MYO10: variants seen among roughly 807,000 people sequenced by gnomAD.
MYO10 encodes the protein unconventional myosin-X.
A neutral mutation model predicts 257.3 loss-of-function variants in MYO10; 133 were observed. The observed-to-expected ratio is 0.52, with a 90% CI of 0.45 to 0.60. The LOEUF (loss-of-function observed/expected upper bound fraction) is 0.60, where lower values mean the gene tolerates loss of function less well. MYO10 is among the 20% of genes least tolerant of loss of function. The pLI is 0.00. For synonymous variants in MYO10, 1,104 were observed against 1,028.6 expected (o/e 1.07, Z -1.40); for missense variants, 2,399 against 2,635.7 (o/e 0.91, Z 1.97).
rs140500024 is a variant in MYO10, at chr5:16,883,211, G to A, written c.22-5504C>T. ...ATTACAGGTGTGAGCCACCGCGCCC[G>A]GCCATCATTTTTAAAAAATTGTTTT... On this transcript the variant is annotated intron_variant, in intron 1 of 40. Transcript: ENST00000513610. Among the ~76,000 whole-genome samples the A allele has an allele frequency of 8.6e-3, 1,305 of 152,106 alleles. 9 individuals are homozygous for A. Among genetic ancestry groups the A allele is most frequent in the Middle Eastern group, 0.014 (4 of 294 alleles).
intron 4 of MYO10, among the ~76,000 whole-genome samples, chr5:16,785,924 C>T (rs182528550): frequency 2.6e-5 from 4 of 152,160 alleles, no homozygotes; most frequent in East Asian, 3.9e-4. Context: ...CAGGCAGTAA[C>T]AAGGGGACCA....
At chr5:16,921,404 G>A (rs1172754248) in intron 1 of MYO10, among the ~76,000 whole-genome samples, 1 of 152,148 alleles carries the variant, frequency 6.6e-6, no homozygotes, top group Non-Finnish European at 1.5e-5. Context: ...CCTTAGCGCA[G>A]TGGTTCCAGC....
At chr5:16,902,603 C>A in intron 1 of MYO10, 2 of 1,558,370 alleles carry the variant, frequency 1.3e-6, no homozygotes, top group Non-Finnish European at 1.7e-6. Flanking sequence ...GGCCGCGGCC[C>A]TTTTTGGCAC....
intron 3 of MYO10, among the ~76,000 whole-genome samples, chr5:16,796,452 G>GA (rs1741968284): frequency 2.1e-5 from 2 of 93,408 alleles, no homozygotes; most frequent in African/African-American, 7.9e-5. Flanking sequence ...CAGAAAGAAA[G>GA]AAAGAAAGAA....
At chr5:16,846,855 C>A (rs1313199031) in intron 2 of MYO10, among the ~76,000 whole-genome samples, 1 of 152,178 alleles carries the variant, frequency 6.6e-6, no homozygotes, top group South Asian at 2.1e-4. Context: ...CGGTGGCTCA[C>A]GCCTGTAATC....
chr5:16,716,572 A>G, intron 19 of MYO10, among the ~76,000 whole-genome samples: 1 of 124,444 alleles, frequency 8.0e-6, no homozygotes. Context: ...ATCTGTGCTT[A>G]TTTAATGAAA....
intron 19 of MYO10, among the ~76,000 whole-genome samples, chr5:16,734,879 G>A (rs968199673): frequency 3.3e-5 from 5 of 151,594 alleles, no homozygotes; most frequent in South Asian, 2.1e-4. Context: ...CAGCCACCAC[G>A]GCCATCAGTG....
rs376176506 is a variant in MYO10 at position 16,935,841 on chromosome 5, C to T, written c.-33G>A. The T allele has an allele frequency of 1.2e-6, 2 of 1,611,098 alleles. No individual in the cohort carries two copies. Among genetic ancestry groups the T allele is most frequent in the South Asian group, 1.1e-5 (1 of 90,720 alleles). ...GCGCAGTCCCGGACTCGCCGAGTGCCGCTCCGACTCGCGGAAGTCAGCGCC... is the reference window on the plus strand; with the variant it reads ...GCGCAGTCCCGGACTCGCCGAGTGCTGCTCCGACTCGCGGAAGTCAGCGCC... On this transcript the variant is annotated 5_prime_UTR_variant, in exon 1 of 41. Coordinates refer to ENST00000513610, the MANE Select transcript of MYO10 (RefSeq NM_012334.3).
intron 3 of MYO10, 87 bp from the exon 4 acceptor site, chr5:16,794,920 G>T: frequency 2.1e-6 from 2 of 969,278 alleles, no homozygotes; most frequent in Non-Finnish European, 2.7e-6. Context: ...GTGTGCGCCA[G>T]GGGGAAAGAC....
chr5:16,683,759 G>A (rs557341350), intron 30 of MYO10, 121 bp downstream of exon 30: 35 of 924,002 alleles, frequency 3.8e-5, no homozygotes, highest in Non-Finnish European at 5.1e-5. Flanking sequence ...GACAAGGTGG[G>A]AACACACAGC....
rs199584692 is a variant in MYO10 at position 16,694,487 on chromosome 5, C to T, written c.3684G>A (p.Thr1228=). Residue 1228 remains threonine (T), a synonymous_variant, in exon 27 of 41, where the codon ACG becomes ACA. Coordinates refer to ENST00000513610, the MANE Select transcript of MYO10 (RefSeq NM_012334.3). Reference sequence around the variant, plus strand: ...GCTTCTTCCAATTTCTCCTGGACAGCGTGGAGGAGCCCCCCCCTTTTTTGT... The same window carrying T: ...GCTTCTTCCAATTTCTCCTGGACAGTGTGGAGGAGCCCCCCCCTTTTTTGT... ...WLHKKGGGSS[T]LSRRNWKKRW... The T allele has an allele frequency of 1.2e-4, 191 of 1,614,010 alleles. 1 individual carries two copies. Among genetic ancestry groups the T allele is most frequent in the Middle Eastern group, 3.3e-4 (2 of 6,062 alleles).
intron 2 of MYO10, among the ~76,000 whole-genome samples, chr5:16,840,444 TGAAA>T (rs1554001762): frequency 2.6e-4 from 26 of 100,964 alleles, no homozygotes; most frequent in African/African-American, 7.3e-4. Flanking sequence ...AATGAATGAA[TGAAA>T]GAAAGAAACA....
rs750357713 is a variant in MYO10, at chr5:16,671,518, C to T, written c.5334G>A (p.Gly1778=). The T allele has an allele frequency of 6.2e-7, 1 of 1,613,944 alleles. No homozygotes were observed. The highest frequency in any genetic ancestry group is 1.1e-5 in the South Asian group (1 of 91,078). The change falls in exon 38 of 41, where the codon GGG becomes GGA. Residue 1778 remains glycine, a synonymous_variant. Coordinates refer to ENST00000513610, the MANE Select transcript of MYO10 (RefSeq NM_012334.3). ...TGAAGTAGAATTTCCATGGCAGGTC[C>T]CCAACCTCGGATGTGGCAGCCAGCC... ...FEKLAATSEV[G]DLPWKFYFKL... is the part of the protein sequence containing the mutation.
At position 16,681,205 on chromosome 5, in the gene MYO10, G is replaced by C. The variant is rs1006813526; in HGVS notation, c.4384+104C>G. ...ATAAACCAAGAGGACAACTTCTTTG[G>C]GGGGAAATAAAGTACACACTAGGAA... On this transcript the variant is annotated intron_variant, in intron 32 of 40. Transcript: ENST00000513610. The C allele has an allele frequency of 8.1e-6, 10 of 1,241,872 alleles. No individual in the cohort carries two copies. The African/African-American group carries it at 9.1e-5, about 11-fold the overall frequency. The allele number at this position is 1,241,872 out of a possible 1,614,324, so 76.9% of individuals were successfully genotyped here. A position where few individuals can be genotyped will look rare whatever the true frequency, so the allele number is the denominator to read the frequency against.
chr5:16,769,041 G>A (rs764872610), intron 10 of MYO10, 33 bp downstream of exon 10: 3 of 1,575,510 alleles, frequency 1.9e-6, no homozygotes, highest in Non-Finnish European at 8.6e-7. Flanking sequence ...GGGGAACAAA[G>A]GGAGCGAGGA....
At chr5:16,675,620 C>T (rs1367685934) in intron 34 of MYO10, among the ~76,000 whole-genome samples, 1 of 152,018 alleles carries the variant, frequency 6.6e-6, no homozygotes, top group Admixed American at 6.5e-5. Flanking sequence ...TGCTTGTAAT[C>T]CCGGCTACTT....
intron 1 of MYO10, among the ~76,000 whole-genome samples, chr5:16,879,862 C>A (rs254832): frequency 0.4 from 60,671 of 152,038 alleles, 13,428 homozygotes; most frequent in Admixed American, 0.5. Context: ...CCCTCAGTGC[C>A]CATGATAACA....
At chr5:16,844,952 A>G (rs10074580) in intron 2 of MYO10, among the ~76,000 whole-genome samples, 7,488 of 131,508 alleles carry the variant, frequency 0.057, 643 homozygotes, top group African/African-American at 0.24. Context: ...ACACACACAC[A>G]CGCACACACA....
At chr5:16,828,454 A>G (rs1332404235) in intron 2 of MYO10, among the ~76,000 whole-genome samples, 1 of 152,046 alleles carries the variant, frequency 6.6e-6, no homozygotes, top group African/African-American at 2.4e-5. Context: ...CCCCGTCTCT[A>G]CTAAAAATAA....
Sources: gnomAD v4.1 joint callset for allele counts (sites outside exome capture counted in the v4.1 genomes callset) on GRCh38, gnomAD v4.1.1 for gene constraint, MANE v1.5 for transcripts, NCBI Gene and HGNC (gene_info 2026-07-23, HGNC 2026-07-21) for gene names.